Variants in ZEB1 observed in about 807,000 individuals in gnomAD.
ZEB1 encodes the protein zinc finger E-box-binding homeobox 1.
A neutral mutation model predicts 84.9 loss-of-function variants in ZEB1; 21 were observed. The observed-to-expected ratio is 0.25, with a 90% CI of 0.18 to 0.36. The LOEUF (loss-of-function observed/expected upper bound fraction) is 0.36, where lower values mean the gene tolerates loss of function less well. Ranked by LOEUF, ZEB1 falls within the 10% of genes least tolerant of loss-of-function variation. The pLI, the probability that ZEB1 is intolerant of heterozygous loss-of-function variation, is 1.00. For synonymous variants in ZEB1, 420 were observed against 471.1 expected (o/e 0.89, Z 1.41); for missense variants, 1,104 against 1,330.2 (o/e 0.83, Z 2.65).
chr10:31,389,922 G>A (rs539692696), intron 1 of ZEB1, among the ~76,000 whole-genome samples: 35 of 152,038 alleles, frequency 2.3e-4, no homozygotes, highest in African/African-American at 7.5e-4. Flanking sequence ...CTCAATAGCC[G>A]CACGTGGCTA....
chr10:31,364,332 G>GC (rs964894154), intron 1 of ZEB1, among the ~76,000 whole-genome samples: 40 of 152,176 alleles, frequency 2.6e-4, no homozygotes, highest in Non-Finnish European at 5.3e-4. Flanking sequence ...CCCTGGATGG[G>GC]CCCCCCTGTG....
intron 1 of ZEB1, among the ~76,000 whole-genome samples, chr10:31,397,243 T>G (rs1162936264): frequency 6.7e-6 from 1 of 149,516 alleles, no homozygotes; most frequent in Non-Finnish European, 1.5e-5. Context: ...ATCTTGGGGT[T>G]TTTTTAATGC....
chr10:31,524,196 TTC>T (rs1283092527), intron 8 of ZEB1, 83 bp downstream of exon 8: 2 of 1,454,680 alleles, frequency 1.4e-6, no homozygotes, highest in African/African-American at 1.7e-5. Context: ...TTTTAGAATT[TTC>T]TTTCTTTTTT....
At chr10:31,470,846 C>T (rs1255883643) in intron 2 of ZEB1, among the ~76,000 whole-genome samples, 2 of 134,482 alleles carry the variant, frequency 1.5e-5, no homozygotes, top group Non-Finnish European at 3.2e-5. Flanking sequence ...GGAAGCCCAT[C>T]AGACTAACAG....
At position 31,469,404 on chromosome 10, in the gene ZEB1, C is replaced by T. The variant is rs370635376; in HGVS notation, c.259+8167C>T. Among the ~76,000 whole-genome samples, 1,091 of 152,118 alleles carry T rather than the reference C, an allele frequency of 7.2e-3. 13 individuals carry two copies. Among genetic ancestry groups the T allele is most frequent in the African/African-American group, 0.022 (928 of 41,514 alleles). ...GTGAGGCATTGCCTCACTCGGGAAG[C>T]GCAAGGGGTCAGGGAGTTCCCTTTC... is the stretch of plus-strand genomic sequence containing the variant. On this transcript the variant is annotated intron_variant, in intron 2 of 8. Transcript: ENST00000424869.
intron 1 of ZEB1, among the ~76,000 whole-genome samples, chr10:31,373,906 C>T (rs1461929515): frequency 6.6e-6 from 1 of 151,442 alleles, no homozygotes; most frequent in Non-Finnish European, 1.5e-5. Context: ...CTTCAGATGA[C>T]CTTAAATTTA....
chr10:31,374,860 C>T (rs1475244859), intron 1 of ZEB1: 1 of 151,726 alleles, frequency 6.6e-6, no homozygotes, highest in Non-Finnish European at 1.5e-5. Context: ...GTGAGAATTT[C>T]ACTTACGGGA....
At chr10:31,503,495 C>G (rs2068457497) in intron 4 of ZEB1, among the ~76,000 whole-genome samples, 2 of 151,992 alleles carry the variant, frequency 1.3e-5, no homozygotes, top group African/African-American at 2.4e-5. Context: ...GAGGTTGATT[C>G]CATATCTTTG....
chr10:31,497,335 C>A (rs1201218418), intron 3 of ZEB1, among the ~76,000 whole-genome samples: 1 of 152,102 alleles, frequency 6.6e-6, no homozygotes, highest in Non-Finnish European at 1.5e-5. Flanking sequence ...TAAATGAATT[C>A]TTTCAGTTTG....
chr10:31,348,649 C>G (rs1482225884), intron 1 of ZEB1, among the ~76,000 whole-genome samples: 1 of 152,056 alleles, frequency 6.6e-6, no homozygotes, highest in Non-Finnish European at 1.5e-5. Flanking sequence ...GATTTTCAAA[C>G]CATTTCAAAT....
chr10:31,376,996 A>C (rs556124209), intron 1 of ZEB1, among the ~76,000 whole-genome samples: 1 of 151,422 alleles, frequency 6.6e-6, no homozygotes, highest in South Asian at 2.1e-4. Flanking sequence ...TGAAATTCTC[A>C]TCTAAGCTTT....
chr10:31,384,249 T>C (rs1184558232), intron 1 of ZEB1, among the ~76,000 whole-genome samples: 2 of 152,138 alleles, frequency 1.3e-5, no homozygotes, highest in African/African-American at 4.8e-5. Context: ...GTGCTAGGAT[T>C]ACAGGCTTGA....
chr10:31,451,886 G>A (rs978991201), intron 1 of ZEB1, among the ~76,000 whole-genome samples: 2 of 152,096 alleles, frequency 1.3e-5, no homozygotes, highest in African/African-American at 2.4e-5. Context: ...GAAATCCTAC[G>A]AATCCTTAGT....
chr10:31,369,964 C>T lies in ZEB1; in HGVS notation c.58+50672C>T, dbSNP rs115165116. 2.7e-3 allele frequency among the ~76,000 whole-genome samples: 405 copies of T among 152,180 alleles called. 2 individuals carry two copies. The highest frequency in any genetic ancestry group is 9.5e-3 in the African/African-American group (395 of 41,530). On this transcript the variant is annotated intron_variant, in intron 1 of 8. Transcript: ENST00000424869. ...GTAATTCTCTAGTAATTAGTGATGC[C>T]GAGCATTTTTTCTTGTACTAGTTGG...
intron 8 of ZEB1, among the ~76,000 whole-genome samples, chr10:31,524,468 C>T (rs1395219422): frequency 2.6e-5 from 4 of 152,050 alleles, no homozygotes; most frequent in African/African-American, 7.2e-5. Context: ...CTCGGCCTCC[C>T]AAAGTGCTGG....
chr10:31,443,684 T>C (rs553332277), intron 1 of ZEB1, among the ~76,000 whole-genome samples: 2 of 150,382 alleles, frequency 1.3e-5, no homozygotes, highest in African/African-American at 2.5e-5. Flanking sequence ...GTTCTTGCGA[T>C]AGTTTACTGA....
At chr10:31,331,209 C>CCTGA (rs750153088) in intron 1 of ZEB1, among the ~76,000 whole-genome samples, 4 of 150,052 alleles carry the variant, frequency 2.7e-5, no homozygotes, top group Non-Finnish European at 4.4e-5. Context: ...GCCTCAACCT[C>CCTGA]CTGAGTAGCT....
At chr10:31,387,058 A>G in intron 1 of ZEB1, 1 of 978,760 alleles carries the variant, frequency 1.0e-6, no homozygotes, top group Non-Finnish European at 1.2e-6. Flanking sequence ...TTTGTAATAT[A>G]GAAGATAAGC....
chr10:31,527,608 T>C lies in ZEB1; in HGVS notation c.*344T>C, dbSNP rs916062253. ...TTAAAGGAAGCTGATTAATTAGATA[T>C]GCATCTGGCATTGTTTTATCTTATC... On this transcript the variant is annotated 3_prime_UTR_variant, in exon 9 of 9. Transcript: ENST00000424869. The C allele has an allele frequency of 4.9e-5, 13 of 265,964 alleles. No homozygotes were observed. Among genetic ancestry groups the C allele is most frequent in the African/African-American group, 2.9e-4 (13 of 45,110 alleles). 16.5% of individuals were successfully genotyped at this position (265,964 alleles called of 1,614,324 possible). A position where few individuals can be genotyped will look rare whatever the true frequency, so the allele number is the denominator to read the frequency against.
Sources: gnomAD v4.1 joint callset for allele counts (sites outside exome capture counted in the v4.1 genomes callset) on GRCh38, gnomAD v4.1.1 for gene constraint, MANE v1.5 for transcripts, NCBI Gene and HGNC (gene_info 2026-07-23, HGNC 2026-07-21) for gene names.